Variants in CSMD1 observed in about 807,000 individuals in gnomAD.
The protein encoded by CSMD1 is CUB and sushi domain-containing protein 1.
Under a neutral mutation model 417.5 loss-of-function variants are expected in CSMD1, and 213 were observed. The observed-to-expected ratio is 0.51, with a 90% CI of 0.46 to 0.57. The LOEUF is 0.57. CSMD1 is among the 20% of genes least tolerant of loss of function. CSMD1 has a pLI of 0.00. For missense variants in CSMD1, 6,923 were observed against 4,529.7 expected (o/e 1.53, Z -15.17); for synonymous variants, 2,862 against 1,736.8 (o/e 1.65, Z -16.11).
intron 1 of CSMD1, among the ~76,000 whole-genome samples, chr8:4,790,764 A>G (rs897378812): frequency 3.3e-5 from 5 of 152,236 alleles, no homozygotes; most frequent in African/African-American, 1.2e-4. Flanking sequence ...TGGTGCTAAG[A>G]TAAATGGCTA....
chr8:4,401,213 A>G (rs963988327), intron 3 of CSMD1, among the ~76,000 whole-genome samples: 4 of 152,198 alleles, frequency 2.6e-5, no homozygotes, highest in South Asian at 4.1e-4. Flanking sequence ...GGTTTCTGAA[A>G]TAACTTAATG....
At chr8:4,862,001 A>C (rs1191218838) in intron 1 of CSMD1, among the ~76,000 whole-genome samples, 1 of 152,090 alleles carries the variant, frequency 6.6e-6, no homozygotes, top group East Asian at 1.9e-4. Flanking sequence ...CATGAAAATA[A>C]AGTAGGATTT....
chr8:3,769,363 C>T (rs922275291), intron 5 of CSMD1, among the ~76,000 whole-genome samples: 1 of 151,640 alleles, frequency 6.6e-6, no homozygotes, highest in African/African-American at 2.4e-5. Context: ...AATTAGATAA[C>T]AATATCCATT....
intron 68 of CSMD1, among the ~76,000 whole-genome samples, chr8:2,949,083 T>C (rs768810020): frequency 6.6e-5 from 10 of 152,058 alleles, no homozygotes; most frequent in South Asian, 4.1e-4. Context: ...AGTGAAGATA[T>C]GATGTCTGGC....
chr8:3,124,330 T>A (rs572582096), intron 41 of CSMD1, among the ~76,000 whole-genome samples: 3 of 152,306 alleles, frequency 2.0e-5, no homozygotes, highest in South Asian at 4.1e-4. Flanking sequence ...TATAAAAGAA[T>A]TGTAAGTTGC....
intron 46 of CSMD1, among the ~76,000 whole-genome samples, chr8:3,102,042 T>C (rs1017001093): frequency 1.3e-5 from 2 of 152,060 alleles, no homozygotes; most frequent in African/African-American, 4.8e-5. Context: ...CCTCAGGTGA[T>C]CCTCCCACCT....
At chr8:3,907,144 T>G (rs953433137) in intron 5 of CSMD1, among the ~76,000 whole-genome samples, 2 of 152,240 alleles carry the variant, frequency 1.3e-5, no homozygotes, top group African/African-American at 4.8e-5. Flanking sequence ...ACTTTTCATG[T>G]TACGTTGTGT....
At chr8:3,006,946 T>A (rs1278981927) in intron 52 of CSMD1, among the ~76,000 whole-genome samples, 5,113 of 131,376 alleles carry the variant, frequency 0.039, 307 homozygotes, top group African/African-American at 0.17. Flanking sequence ...ACTAAAGAGC[T>A]TCTGCACAGC....
chr8:3,097,073 TA>T (rs748361430), intron 46 of CSMD1, 36 bp from the exon 47 acceptor site: 2 of 1,451,020 alleles, frequency 1.4e-6, no homozygotes, highest in South Asian at 1.4e-5. Context: ...TTTGCTTTAA[TA>T]AAATGATTCC....
chr8:3,510,042 C>T lies in CSMD1; in HGVS notation c.1345-16316G>A, dbSNP rs532910506. Reference sequence around the variant, plus strand: ...GTCGCGTATCCACTTCTCCCCTCTACATCAGTGAAACACCGGTAAGGATAA... The same window carrying T: ...GTCGCGTATCCACTTCTCCCCTCTATATCAGTGAAACACCGGTAAGGATAA... On this transcript the variant is annotated intron_variant, in intron 10 of 69. Coordinates refer to ENST00000635120, the MANE Select transcript of CSMD1 (RefSeq NM_033225.6). 2.0e-5 allele frequency among the ~76,000 whole-genome samples: 3 copies of T among 152,320 alleles called. No homozygotes were observed. In the East Asian group the frequency reaches 5.8e-4, roughly 29 times the overall value.
chr8:4,430,366 C>T (rs1020890360), intron 2 of CSMD1, among the ~76,000 whole-genome samples: 1 of 152,062 alleles, frequency 6.6e-6, no homozygotes, highest in African/African-American at 2.4e-5. Flanking sequence ...TCATTAAAGG[C>T]TTATCAGTTT....
Position 4,111,224 on chromosome 8 carries a change from G to A in CSMD1, c.416-79125C>T, listed in dbSNP as rs140234391. Among the ~76,000 whole-genome samples, 1,027 of 152,116 alleles carry A rather than the reference G, an allele frequency of 6.8e-3. 13 individuals carry two copies. The highest frequency in any genetic ancestry group is 0.011 in the Non-Finnish European group (759 of 67,982). ...GTGTTATGTTTGTCATCATCTTTTG[G>A]TTCCACGTCTTTGCTTTCTATTATC... On this transcript the variant is annotated intron_variant, in intron 3 of 69. Coordinates refer to ENST00000635120, the MANE Select transcript of CSMD1 (RefSeq NM_033225.6).
At chr8:3,947,546 G>T (rs1449217966) in intron 5 of CSMD1, among the ~76,000 whole-genome samples, 1 of 152,052 alleles carries the variant, frequency 6.6e-6, no homozygotes, top group African/African-American at 2.4e-5. Context: ...TAACCCACGG[G>T]AAAGCTCCTT....
intron 8 of CSMD1, among the ~76,000 whole-genome samples, chr8:3,605,989 T>A (rs1364244618): frequency 2.0e-5 from 3 of 152,136 alleles, no homozygotes; most frequent in Non-Finnish European, 4.4e-5. Flanking sequence ...TGGGGTCCGG[T>A]CATATAAAAT....
At chr8:4,358,464 C>T (rs992593447) in intron 3 of CSMD1, among the ~76,000 whole-genome samples, 2 of 152,202 alleles carry the variant, frequency 1.3e-5, no homozygotes, top group African/African-American at 4.8e-5. Flanking sequence ...GGGGGAGCTG[C>T]CACTGGCTCC....
chr8:3,026,942 A>C (rs529946127), intron 51 of CSMD1, among the ~76,000 whole-genome samples: 1 of 152,266 alleles, frequency 6.6e-6, no homozygotes, highest in South Asian at 2.1e-4. Flanking sequence ...CATTTCCAAA[A>C]CATTGAGGCA....
intron 5 of CSMD1, among the ~76,000 whole-genome samples, chr8:3,843,958 G>A (rs1000507604): frequency 6.6e-6 from 1 of 152,078 alleles, no homozygotes; most frequent in Admixed American, 6.6e-5. Flanking sequence ...CAATGATGAG[G>A]AACTCAGAAA....
intron 3 of CSMD1, among the ~76,000 whole-genome samples, chr8:4,120,799 A>T (rs1802443326): frequency 6.6e-6 from 1 of 152,236 alleles, no homozygotes; most frequent in African/African-American, 2.4e-5. Flanking sequence ...CAAAAGACAG[A>T]AGCTCATGAC....
At chr8:4,248,469 C>G (rs1371380680) in intron 3 of CSMD1, among the ~76,000 whole-genome samples, 1 of 152,100 alleles carries the variant, frequency 6.6e-6, no homozygotes, top group Non-Finnish European at 1.5e-5. Flanking sequence ...AAAGGTCAGT[C>G]GTTACTTACG....
Sources: allele counts gnomAD v4.1 joint callset (sites outside exome capture counted in the v4.1 genomes callset), GRCh38; gene constraint gnomAD v4.1.1; transcripts MANE v1.5; gene names NCBI Gene and HGNC (gene_info 2026-07-23, HGNC 2026-07-21).